CABIN1: variants seen among roughly 807,000 people sequenced by gnomAD.
The protein encoded by CABIN1 is calcineurin-binding protein cabin-1.
CABIN1 carries 133 observed loss-of-function variants against 227.7 expected under a neutral mutation model. That is an observed-to-expected ratio of 0.58 (90% CI 0.51 to 0.67). CABIN1 has a LOEUF of 0.67. Ranked by LOEUF, CABIN1 falls within the 30% of genes least tolerant of loss-of-function variation. The pLI is 0.00. For synonymous variants in CABIN1, 1,086 were observed against 1,155.1 expected (o/e 0.94, Z 1.21); for missense variants, 2,408 against 2,852.5 (o/e 0.84, Z 3.55).
At chr22:24,157,677 C>T (rs2045918610) in intron 29 of CABIN1, among the ~76,000 whole-genome samples, 1 of 152,190 alleles carries the variant, frequency 6.6e-6, no homozygotes, top group Admixed American at 6.5e-5. Flanking sequence ...TGTTTCGCCG[C>T]TTTGGTGACT....
intron 6 of CABIN1, among the ~76,000 whole-genome samples, chr22:24,045,199 T>TAGGC (rs1389128400): frequency 6.6e-6 from 1 of 152,232 alleles, no homozygotes; most frequent in Admixed American, 6.5e-5. Context: ...GCTGGGCTTA[T>TAGGC]AGGCGTGAGC....
At chr22:24,092,935 G>A (rs930330956) in intron 24 of CABIN1, among the ~76,000 whole-genome samples, 4 of 152,096 alleles carry the variant, frequency 2.6e-5, no homozygotes, top group South Asian at 4.1e-4. Context: ...GGTGTGGTGA[G>A]CTTCCCTGCC....
intron 7 of CABIN1, among the ~76,000 whole-genome samples, chr22:24,050,451 T>G (rs1188007072): frequency 2.0e-5 from 3 of 152,236 alleles, no homozygotes; most frequent in Non-Finnish European, 4.4e-5. Context: ...ACTTTTCCGA[T>G]GACTTTTTGT....
At chr22:24,122,482 T>C (rs911563231) in intron 28 of CABIN1, among the ~76,000 whole-genome samples, 1 of 151,950 alleles carries the variant, frequency 6.6e-6, no homozygotes, top group African/African-American at 2.4e-5. Context: ...CTGAGGCGGG[T>C]GAATCACCTG....
chr22:24,148,056 C>A (rs1017144382), intron 29 of CABIN1, among the ~76,000 whole-genome samples: 1 of 152,194 alleles, frequency 6.6e-6, no homozygotes, highest in African/African-American at 2.4e-5. Context: ...ACAAGCACCC[C>A]ATCTTGGGAC....
Position 24,171,713 on chromosome 22 carries a change from G to A in CABIN1, c.5758G>A (p.Ala1920Thr). Reference sequence around the variant, plus strand: ...TCTCACCTCTTGTTTGTCCTCACAGGCCTCGGGGGACACCCCCACCACTCC... The same window carrying A: ...TCTCACCTCTTGTTTGTCCTCACAGACCTCGGGGGACACCCCCACCACTCC... ...VHLGAAAQRQ[A>T]SGDTPTTPKH... Residue 1920 changes from alanine to threonine, a missense_variant and splice_region_variant, in exon 34 of 37, where the codon GCC becomes ACC. Transcript: ENST00000263119. 6.2e-7 allele frequency: 1 copy of A among 1,614,024 alleles called. No homozygotes were observed. The highest frequency in any genetic ancestry group is 1.3e-5 in the African/African-American group (1 of 75,052).
At chr22:24,170,858 C>T (rs912086365) in intron 33 of CABIN1, among the ~76,000 whole-genome samples, 2 of 151,584 alleles carry the variant, frequency 1.3e-5, no homozygotes, top group African/African-American at 2.4e-5. Context: ...TGTGGGCCAG[C>T]TCCCACAGTA....
chr22:24,070,732 C>G (rs2040022838), intron 16 of CABIN1, 68 bp from the exon 17 acceptor site: 2 of 1,611,778 alleles, frequency 1.2e-6, no homozygotes, highest in Non-Finnish European at 1.7e-6. Flanking sequence ...TCAGTTGTCT[C>G]TGCTCAGGCC....
intron 26 of CABIN1, chr22:24,101,685 T>C (rs762374765): frequency 3.9e-5 from 6 of 152,314 alleles, no homozygotes; most frequent in Admixed American, 6.5e-5. Flanking sequence ...TCTTGGAATT[T>C]GCCCACAGGG....
intron 29 of CABIN1, among the ~76,000 whole-genome samples, chr22:24,142,224 A>C (rs1485741008): frequency 6.6e-6 from 1 of 152,008 alleles, no homozygotes; most frequent in Admixed American, 6.5e-5. Context: ...AGTAGTCCAG[A>C]AGGAGGCTGT....
chr22:24,173,749 G>C (rs976856964), intron 34 of CABIN1, among the ~76,000 whole-genome samples: 1 of 152,080 alleles, frequency 6.6e-6, no homozygotes, highest in Non-Finnish European at 1.5e-5. Flanking sequence ...CAGGAGAATC[G>C]CTTGAACCCA....
intron 1 of CABIN1, among the ~76,000 whole-genome samples, chr22:24,028,368 G>A (rs2036250053): frequency 6.6e-6 from 1 of 152,210 alleles, no homozygotes; most frequent in African/African-American, 2.4e-5. Flanking sequence ...CAGCTGAGAT[G>A]AGAATGCTCC....
At chr22:24,018,886 C>G (rs1005535303) in intron 1 of CABIN1, among the ~76,000 whole-genome samples, 3 of 152,030 alleles carry the variant, frequency 2.0e-5, no homozygotes, top group African/African-American at 7.2e-5. Flanking sequence ...TGAATCCTAT[C>G]CAGGAACAGG....
chr22:24,149,441 T>C (rs1205861221), intron 29 of CABIN1, among the ~76,000 whole-genome samples: 1 of 152,126 alleles, frequency 6.6e-6, no homozygotes, highest in Non-Finnish European at 1.5e-5. Context: ...AGGGGACTTG[T>C]GATAGGGAAA....
At chr22:24,118,664 A>C (rs1247083583) in intron 27 of CABIN1, among the ~76,000 whole-genome samples, 3 of 152,126 alleles carry the variant, frequency 2.0e-5, no homozygotes, top group African/African-American at 7.2e-5. Flanking sequence ...CTCCCGGGCC[A>C]GATAGCTTTC....
intron 29 of CABIN1, among the ~76,000 whole-genome samples, chr22:24,157,192 G>A (rs1220378987): frequency 6.6e-6 from 1 of 152,140 alleles, no homozygotes; most frequent in East Asian, 1.9e-4. Flanking sequence ...TGTCCCTAGG[G>A]GTGTTCAACC....
At chr22:24,160,821 T>G (rs1373619610) in intron 29 of CABIN1, among the ~76,000 whole-genome samples, 1 of 152,228 alleles carries the variant, frequency 6.6e-6, no homozygotes, top group East Asian at 1.9e-4. Context: ...CCCCAGGCAC[T>G]TCACCCTGCT....
In CABIN1 at chr22:24,113,652, G is replaced by A. The variant is rs1276853963; in HGVS notation, c.4204G>A (p.Gly1402Ser). The A allele has an allele frequency of 1.2e-6, 2 of 1,614,144 alleles. No homozygotes were observed. The highest frequency in any genetic ancestry group is 3.3e-5 in the Admixed American group (2 of 60,030). Residue 1402 changes from glycine (G) to serine (S), a missense_variant, in exon 27 of 37, where the codon GGC becomes AGC. Transcript: ENST00000263119. ...TAATGAGCCCACCAGCTTACTGGAA[G>A]GCTCCAGGAAATCCTACACAGAGAA... ...FFNEPTSLLE[G>S]SRKSYTEKRL...
chr22:24,033,492 C>T (rs1401634918), intron 1 of CABIN1, among the ~76,000 whole-genome samples: 1 of 152,200 alleles, frequency 6.6e-6, no homozygotes, highest in African/African-American at 2.4e-5. Flanking sequence ...AAAAGTGGAG[C>T]ACATGTTCAA....
Sources: allele counts gnomAD v4.1 joint callset (sites outside exome capture counted in the v4.1 genomes callset), GRCh38; gene constraint gnomAD v4.1.1; transcripts MANE v1.5; gene names NCBI Gene and HGNC (gene_info 2026-07-23, HGNC 2026-07-21).